Variants in NLGN1 observed in about 807,000 individuals in gnomAD.
NLGN1 encodes the protein neuroligin 1, also known as neuroligin-1.
Under a neutral mutation model 65.5 loss-of-function variants are expected in NLGN1, and 12 were observed. That is an observed-to-expected ratio of 0.18 (90% CI 0.12 to 0.30). The LOEUF (loss-of-function observed/expected upper bound fraction) is 0.30, where lower values mean the gene tolerates loss of function less well. Ranked by LOEUF, NLGN1 falls within the 10% of genes least tolerant of loss-of-function variation. NLGN1 has a pLI of 1.00. For synonymous variants in NLGN1, 350 were observed against 359.5 expected, an observed-to-expected ratio of 0.97 and a Z score of 0.30; for missense variants, 750 against 1,007.1, an observed-to-expected ratio of 0.74 and a Z score of 3.46.
intron 3 of NLGN1, chr3:173,644,826 A>C (rs1257970594): frequency 6.5e-6 from 1 of 152,980 alleles, no homozygotes; most frequent in African/African-American, 2.4e-5. Context: ...TGCCCTGGCC[A>C]GGCCTCAGCC....
At chr3:174,286,508 G>A (rs1752133738) in exon 7 of NLGN1, 1 of 151,452 alleles carries the variant, frequency 6.6e-6, no homozygotes, top group African/African-American at 2.4e-5. Context: ...ATATCATTTA[G>A]CAAATTAATG....
At chr3:173,957,256 T>C (rs1712315316) in intron 4 of NLGN1, among the ~76,000 whole-genome samples, 1 of 152,172 alleles carries the variant, frequency 6.6e-6, no homozygotes, top group Non-Finnish European at 1.5e-5. Flanking sequence ...AATTAATTAC[T>C]ATCTATATTA....
At chr3:173,734,440 A>G (rs1773413271) in intron 3 of NLGN1, among the ~76,000 whole-genome samples, 1 of 119,470 alleles carries the variant, frequency 8.4e-6, no homozygotes, top group Admixed American at 1.1e-4. Context: ...CCTGTGGCCC[A>G]GGCTGAAGTG....
At chr3:174,227,470 A>T (rs1226907655) in intron 4 of NLGN1, among the ~76,000 whole-genome samples, 1 of 139,386 alleles carries the variant, frequency 7.2e-6, no homozygotes, top group Admixed American at 6.8e-5. Flanking sequence ...CAGTTTATTC[A>T]TATCTTTTTT....
intron 3 of NLGN1, among the ~76,000 whole-genome samples, chr3:173,641,144 G>T (rs1391993723): frequency 6.6e-6 from 1 of 152,002 alleles, no homozygotes; most frequent in Non-Finnish European, 1.5e-5. Flanking sequence ...AAGCAAATTT[G>T]TAATTTTCTA....
At chr3:174,102,615 G>A (rs778486355) in intron 4 of NLGN1, among the ~76,000 whole-genome samples, 1 of 152,062 alleles carries the variant, frequency 6.6e-6, no homozygotes, top group Non-Finnish European at 1.5e-5. Flanking sequence ...AAAAAATAAC[G>A]AAGAACAGAA....
chr3:173,510,144 C>T (rs970849431), intron 2 of NLGN1, among the ~76,000 whole-genome samples: 3 of 152,156 alleles, frequency 2.0e-5, no homozygotes, highest in Admixed American at 1.3e-4. Flanking sequence ...TTTGGAACTC[C>T]ACATAACACA....
intron 4 of NLGN1, among the ~76,000 whole-genome samples, chr3:174,245,557 T>G (rs933064892): frequency 1.3e-5 from 2 of 152,140 alleles, no homozygotes; most frequent in African/African-American, 4.8e-5. Context: ...TTAAAAACCA[T>G]GAAGAAAATA....
At chr3:173,842,606 A>G (rs893253647) in intron 4 of NLGN1, among the ~76,000 whole-genome samples, 4 of 152,216 alleles carry the variant, frequency 2.6e-5, no homozygotes, top group African/African-American at 9.6e-5. Flanking sequence ...GAAATCCAAC[A>G]TGGCAGACAA....
At chr3:173,678,854 A>G (rs922023816) in intron 3 of NLGN1, among the ~76,000 whole-genome samples, 1 of 152,170 alleles carries the variant, frequency 6.6e-6, no homozygotes, top group African/African-American at 2.4e-5. Flanking sequence ...AGTAAGTGAT[A>G]TAGAAATTGA....
At position 174,205,289 on chromosome 3, in the gene NLGN1, G is replaced by C. The variant is rs144339298; in HGVS notation, c.647-70026G>C. On this transcript the variant is annotated intron_variant, in intron 4 of 6. Transcript: ENST00000457714. ...TCTGTTTTTAGAATACAATTAGCTT[G>C]AGGTTAAAGTTAAATATTATAACAT... Among the ~76,000 whole-genome samples the C allele has an allele frequency of 4.5e-4, 69 of 152,194 alleles. 2 individuals carry two copies. Among genetic ancestry groups the C allele is most frequent in the African/African-American group, 1.5e-3 (62 of 41,560 alleles).
chr3:173,700,896 C>A (rs573008273), intron 3 of NLGN1, among the ~76,000 whole-genome samples: 1 of 152,056 alleles, frequency 6.6e-6, no homozygotes, highest in Non-Finnish European at 1.5e-5. Flanking sequence ...GAGGCCGAGG[C>A]GGGCGGATCA....
At chr3:173,701,770 C>T (rs1262700508) in intron 3 of NLGN1, among the ~76,000 whole-genome samples, 3 of 152,090 alleles carry the variant, frequency 2.0e-5, no homozygotes, top group Admixed American at 6.5e-5. Context: ...AGCCCATTGC[C>T]CTTAAGTAAC....
intron 2 of NLGN1, among the ~76,000 whole-genome samples, chr3:173,506,883 G>C (rs1393771742): frequency 1.4e-3 from 214 of 152,172 alleles, no homozygotes; most frequent in African/African-American, 4.8e-3. Context: ...GGAGACTCTA[G>C]TTTTTAAAAG....
At chr3:174,047,582 G>GA (rs979446802) in intron 4 of NLGN1, among the ~76,000 whole-genome samples, 5 of 151,856 alleles carry the variant, frequency 3.3e-5, no homozygotes, top group African/African-American at 1.2e-4. Context: ...TAAGATAAAT[G>GA]AAAAAATCTT....
At chr3:174,289,739 G>A (rs536746465), downstream of NLGN1, among the ~76,000 whole-genome samples, 2 of 150,610 alleles carry the variant, frequency 1.3e-5, no homozygotes, top group African/African-American at 2.4e-5. Flanking sequence ...ATATTTTAAA[G>A]TGAAAAGTAA....
At chr3:173,693,745 A>G (rs910712626) in intron 3 of NLGN1, among the ~76,000 whole-genome samples, 1 of 152,114 alleles carries the variant, frequency 6.6e-6, no homozygotes, top group Non-Finnish European at 1.5e-5. Flanking sequence ...CAGAAGAATG[A>G]AAAATAAAAA....
intron 3 of NLGN1, among the ~76,000 whole-genome samples, chr3:173,718,890 C>T (rs1468980370): frequency 6.6e-6 from 1 of 152,076 alleles, no homozygotes; most frequent in Non-Finnish European, 1.5e-5. Context: ...GATTGGTGAA[C>T]TGAATGTGAA....
chr3:173,954,665 G>A (rs902011914), intron 4 of NLGN1, among the ~76,000 whole-genome samples: 5 of 151,992 alleles, frequency 3.3e-5, no homozygotes, highest in African/African-American at 1.2e-4. Flanking sequence ...CACTGATTAG[G>A]TAGAACTGAC....
Sources: allele counts gnomAD v4.1 joint callset (sites outside exome capture counted in the v4.1 genomes callset), GRCh38; gene constraint gnomAD v4.1.1; transcripts MANE v1.5; gene names NCBI Gene and HGNC (gene_info 2026-07-23, HGNC 2026-07-21).